NRG1: variants seen among roughly 807,000 people sequenced by gnomAD.
NRG1 encodes the protein pro-neuregulin-1, membrane-bound isoform.
In NRG1, 18 loss-of-function variants were observed where a neutral mutation model predicts 63.8. The ratio of observed to expected loss-of-function variants is 0.28; its 90% CI spans 0.19 to 0.42. NRG1 has a LOEUF of 0.42. Ranked by LOEUF, NRG1 falls within the 10% of genes least tolerant of loss-of-function variation. The probability of loss-of-function intolerance (pLI) is 1.00; values close to 1 mark genes in which losing one functional copy is unlikely to be tolerated. For missense variants in NRG1, 762 were observed against 814.7 expected (o/e 0.94, Z 0.79); for synonymous variants, 302 against 301.3 (o/e 1.00, Z -0.02).
At chr8:31,937,467 T>C (rs1400158545) in intron 1 of NRG1, among the ~76,000 whole-genome samples, 1 of 152,126 alleles carries the variant, frequency 6.6e-6, no homozygotes, top group East Asian at 1.9e-4. Context: ...TAAGAAACAC[T>C]AGACAGAAAA....
intron 1 of NRG1, among the ~76,000 whole-genome samples, chr8:32,073,247 G>A (rs1313098092): frequency 6.6e-6 from 1 of 152,260 alleles, no homozygotes; most frequent in Non-Finnish European, 1.5e-5. Context: ...CTAATGCAAC[G>A]TTTCCATTTG....
chr8:31,933,694 C>T (rs1436578552), intron 1 of NRG1, among the ~76,000 whole-genome samples: 1 of 152,088 alleles, frequency 6.6e-6, no homozygotes, highest in Non-Finnish European at 1.5e-5. Context: ...CATCTGATTC[C>T]ACTCTCTGTG....
At chr8:32,049,053 G>A (rs1055062688) in intron 1 of NRG1, among the ~76,000 whole-genome samples, 4 of 152,020 alleles carry the variant, frequency 2.6e-5, no homozygotes, top group East Asian at 1.9e-4. Flanking sequence ...CTTGAAGACC[G>A]CAAAGCTTCT....
chr8:31,822,398 T>C (rs1824091091), intron 1 of NRG1, among the ~76,000 whole-genome samples: 1 of 152,080 alleles, frequency 6.6e-6, no homozygotes, highest in Admixed American at 6.6e-5. Context: ...CTAGCCTAGG[T>C]AAGAGAGTAA....
Position 32,506,442 on chromosome 8 carries a change from C to T in NRG1, c.38-89386C>T, listed in dbSNP as rs190040511. ...CTGTGAGGCTGGCTCAAACAACAGG[C>T]TTATACACCTGTGCCAATATTCTAT... On this transcript the variant is annotated intron_variant, in intron 1 of 10. Coordinates refer to the NRG1 transcript ENST00000519301. 2.7e-3 allele frequency among the ~76,000 whole-genome samples: 406 copies of T among 152,176 alleles called. 3 individuals carry two copies. The highest frequency in any genetic ancestry group is 9.0e-3 in the African/African-American group (374 of 41,518).
chr8:31,976,662 GGTGTGTGTGTGTGTGTGTGT>G (rs55763806), intron 1 of NRG1, among the ~76,000 whole-genome samples: 123,902 of 150,514 alleles, frequency 0.82, 51,445 homozygotes, highest in African/African-American at 0.88. Flanking sequence ...ATCTGCCATG[GGTGTGTGTGTGTGTGTGTGT>G]GTGTGTGTGT....
At chr8:32,147,480 G>A (rs772874472) in intron 1 of NRG1, among the ~76,000 whole-genome samples, 9 of 152,170 alleles carry the variant, frequency 5.9e-5, no homozygotes, top group Non-Finnish European at 1.0e-4. Context: ...TTACCATAAC[G>A]TATAAATGAA....
At chr8:32,635,767 G>C (rs1207648780) in intron 5 of NRG1, among the ~76,000 whole-genome samples, 3 of 152,092 alleles carry the variant, frequency 2.0e-5, no homozygotes, top group Non-Finnish European at 4.4e-5. Flanking sequence ...CTGCTTAATT[G>C]GTTCTTCTTA....
At chr8:32,652,103 CT>C (rs1374576141) in intron 5 of NRG1, among the ~76,000 whole-genome samples, 2 of 152,152 alleles carry the variant, frequency 1.3e-5, no homozygotes, top group East Asian at 3.9e-4. Flanking sequence ...CACACACTCT[CT>C]CTCTCTACTG....
At chr8:32,377,329 T>C (rs948729742) in intron 1 of NRG1, among the ~76,000 whole-genome samples, 1 of 152,194 alleles carries the variant, frequency 6.6e-6, no homozygotes, top group Admixed American at 6.5e-5. Flanking sequence ...AGCTAACATT[T>C]TCCACTACTA....
chr8:32,605,488 A>G, intron 2 of NRG1, 74 bp from the exon 3 acceptor site: 2 of 1,564,166 alleles, frequency 1.3e-6, no homozygotes, highest in Non-Finnish European at 1.7e-6. Context: ...CTCTGAAAGC[A>G]TAGAAAAGTA....
intron 1 of NRG1, among the ~76,000 whole-genome samples, chr8:31,643,001 A>T (rs78741524): frequency 0.16 from 22,673 of 143,902 alleles, 1,770 homozygotes; most frequent in Admixed American, 0.22. Context: ...TGTGTGTGTG[A>T]GAGAGAGAAT....
chr8:32,126,150 G>A (rs952736984), intron 1 of NRG1, among the ~76,000 whole-genome samples: 4 of 151,828 alleles, frequency 2.6e-5, no homozygotes, highest in African/African-American at 4.8e-5. Context: ...GCTGAGAAAC[G>A]AACTCAAGAG....
intron 1 of NRG1, among the ~76,000 whole-genome samples, chr8:32,016,519 A>G (rs564438758): frequency 6.6e-6 from 1 of 152,340 alleles, no homozygotes; most frequent in African/African-American, 2.4e-5. Context: ...ACTTCAAAAA[A>G]TTACAAGAGA....
chr8:31,966,675 G>A (rs1012622117), intron 1 of NRG1, among the ~76,000 whole-genome samples: 3 of 152,116 alleles, frequency 2.0e-5, no homozygotes, highest in East Asian at 1.9e-4. Context: ...ATTCCAAACT[G>A]CATTGTCCCA....
intron 1 of NRG1, among the ~76,000 whole-genome samples, chr8:32,319,042 G>A (rs538073780): frequency 2.0e-5 from 3 of 152,136 alleles, no homozygotes; most frequent in South Asian, 2.1e-4. Flanking sequence ...GATGTTTGAC[G>A]TGAAGGTGAA....
At chr8:31,942,735 A>G (rs1187398383) in intron 1 of NRG1, among the ~76,000 whole-genome samples, 1 of 152,198 alleles carries the variant, frequency 6.6e-6, no homozygotes, top group Non-Finnish European at 1.5e-5. Flanking sequence ...TAAAGACATG[A>G]ATAGACAATT....
At chr8:32,589,269 A>G (rs1297609354) in intron 1 of NRG1, among the ~76,000 whole-genome samples, 1 of 152,242 alleles carries the variant, frequency 6.6e-6, no homozygotes, top group Non-Finnish European at 1.5e-5. Flanking sequence ...GAGATAGTAC[A>G]AGGAGAGAGA....
intron 1 of NRG1, among the ~76,000 whole-genome samples, chr8:32,457,211 C>T (rs750159717): frequency 2.0e-5 from 3 of 152,124 alleles, no homozygotes; most frequent in Admixed American, 1.3e-4. Context: ...TATCACAGTT[C>T]GACCTACATG....
Sources: allele counts gnomAD v4.1 joint callset (sites outside exome capture counted in the v4.1 genomes callset), GRCh38; gene constraint gnomAD v4.1.1; transcripts MANE v1.5; gene names NCBI Gene and HGNC (gene_info 2026-07-23, HGNC 2026-07-21).